SOD2: variants seen among roughly 807,000 people sequenced by gnomAD.
SOD2 encodes the protein superoxide dismutase [Mn], mitochondrial.
A neutral mutation model predicts 27.0 loss-of-function variants in SOD2; 11 were observed. That is an observed-to-expected ratio of 0.41 (90% CI 0.26 to 0.67). The LOEUF (loss-of-function observed/expected upper bound fraction) is 0.67, where lower values mean the gene tolerates loss of function less well. Ranked by LOEUF, SOD2 falls within the 30% of genes least tolerant of loss-of-function variation. The pLI, the probability that SOD2 is intolerant of heterozygous loss-of-function variation, is 0.34. For synonymous variants in SOD2, 105 were observed against 103.0 expected, an observed-to-expected ratio of 1.02 and a Z score of -0.12; for missense variants, 250 against 274.5, an observed-to-expected ratio of 0.91 and a Z score of 0.63.
At chr6:159,725,180 G>A (rs1778127941) in intron 1 of SOD2, among the ~76,000 whole-genome samples, 1 of 152,128 alleles carries the variant, frequency 6.6e-6, no homozygotes, top group Admixed American at 6.6e-5. Flanking sequence ...AGAGTACTGT[G>A]TTCAAAAGCT....
chr6:159,737,482 C>T (rs1210428897), intron 1 of SOD2, among the ~76,000 whole-genome samples: 3 of 151,734 alleles, frequency 2.0e-5, no homozygotes, highest in Non-Finnish European at 2.9e-5. Flanking sequence ...ACTAATAAAG[C>T]CTTTATTTTA....
chr6:159,755,322 A>T (rs1415433000), intron 1 of SOD2: 4 of 1,614,154 alleles, frequency 2.5e-6, no homozygotes, highest in Non-Finnish European at 3.4e-6. Context: ...ACAACCGAAG[A>T]TGACTTTCCT....
chr6:159,708,790 A>C (rs541276778), intron 1 of SOD2, among the ~76,000 whole-genome samples: 1 of 152,360 alleles, frequency 6.6e-6, no homozygotes, highest in African/African-American at 2.4e-5. Flanking sequence ...ACATGGAACC[A>C]AAAAAGAGCC....
intron 1 of SOD2, among the ~76,000 whole-genome samples, chr6:159,698,748 T>C (rs567149789): frequency 6.6e-6 from 1 of 151,956 alleles, no homozygotes; most frequent in East Asian, 1.9e-4. Context: ...CAAAGTTGAT[T>C]AGCACATATT....
At chr6:159,762,028 G>C (rs773539319) in exon 1 of SOD2, 7 of 1,595,112 alleles carry the variant, frequency 4.4e-6, no homozygotes, top group Non-Finnish European at 6.0e-6. Context: ...TGTGGGCTGC[G>C]AGGAGGAGCT....
At chr6:159,693,089 G>A in intron 1 of SOD2, 56 bp downstream of exon 1, 1 of 1,513,180 alleles carries the variant, frequency 6.6e-7, no homozygotes, top group South Asian at 1.2e-5. Context: ...CGGAGGCCCT[G>A]CCCGCCGCGA....
rs1295912048 is a variant in SOD2 at position 159,669,498 on chromosome 6, ATATATT to A, written c.*12989_*12994del. On this transcript the variant is annotated 3_prime_UTR_variant, in exon 5 of 5. Coordinates refer to ENST00000538183, the MANE Select transcript of SOD2 (RefSeq NM_000636.4). ...CTGGGTCATCCAGTGTGGGGTACAT[ATATATT>A]TATAATGATAATATCCTCAGGCCTG... 1 of 152,156 alleles carries A rather than the reference ATATATT, an allele frequency of 6.6e-6. No individual in the cohort carries two copies. Among genetic ancestry groups the A allele is most frequent in the Non-Finnish European group, 1.5e-5 (1 of 68,042 alleles). 9.4% of individuals were successfully genotyped at this position (152,156 alleles called of 1,614,324 possible). A position where few individuals can be genotyped will look rare whatever the true frequency, so the allele number is the denominator to read the frequency against.
intron 1 of SOD2, among the ~76,000 whole-genome samples, chr6:159,724,773 GC>G (rs929192581): frequency 4.0e-5 from 6 of 151,586 alleles, no homozygotes; most frequent in Non-Finnish European, 5.9e-5. Flanking sequence ...GATTGCTTGA[GC>G]CCAGGAAGTC....
At position 159,688,121 on chromosome 6, in the gene SOD2, C is replaced by G; in HGVS notation, c.343+5G>C. On this transcript the variant is annotated splice_donor_5th_base_variant and intron_variant, in intron 3 of 4. Coordinates refer to ENST00000538183, the MANE Select transcript of SOD2 (RefSeq NM_000636.4). ...GTAGATAAGGGTGCACCAATATATA[C>G]CAACCTTTGGGTTCTCCACCACCGT... 6.5e-7 allele frequency: 1 copy of G among 1,531,780 alleles called. No individual in the cohort carries two copies. Among genetic ancestry groups the G allele is most frequent in the Non-Finnish European group, 9.1e-7 (1 of 1,104,874 alleles). The allele number at this position is 1,531,780 out of a possible 1,614,324, so 94.9% of individuals were successfully genotyped here.
intron 1 of SOD2, among the ~76,000 whole-genome samples, chr6:159,707,853 G>A (rs1273240772): frequency 6.6e-6 from 1 of 152,082 alleles, no homozygotes; most frequent in Non-Finnish European, 1.5e-5. Context: ...GATGAACATT[G>A]ATGCAAAAAT....
chr6:159,712,283 C>G (rs1421520724), intron 1 of SOD2, among the ~76,000 whole-genome samples: 1 of 145,702 alleles, frequency 6.9e-6, no homozygotes, highest in Non-Finnish European at 1.5e-5. Context: ...TCACATTGCT[C>G]TGATCACCAT....
upstream of SOD2, among the ~76,000 whole-genome samples, chr6:159,731,802 T>C (rs140793297): frequency 7.2e-5 from 11 of 152,358 alleles, no homozygotes; most frequent in African/African-American, 2.4e-4. Context: ...TTGCTACTTT[T>C]GTATTTGCAA....
chr6:159,713,879 T>C, intron 1 of SOD2: 2 of 998,434 alleles, frequency 2.0e-6, no homozygotes, highest in South Asian at 1.4e-5. Context: ...TGATGTGCCA[T>C]TTTGTATTTT....
chr6:159,736,347 C>CT, intron 1 of SOD2: 1 of 1,375,724 alleles, frequency 7.3e-7, no homozygotes, highest in Non-Finnish European at 1.0e-6. Flanking sequence ...TTTTTGGGGG[C>CT]TTTTTTAAGC....
At chr6:159,698,261 G>T (rs969340790), upstream of SOD2, among the ~76,000 whole-genome samples, 3 of 137,488 alleles carry the variant, frequency 2.2e-5, no homozygotes, top group African/African-American at 8.3e-5. Context: ...CGACAGAGTG[G>T]GACTCAGTGT....
chr6:159,730,516 A>G (rs180681604), upstream of SOD2, among the ~76,000 whole-genome samples: 118 of 152,346 alleles, frequency 7.7e-4, no homozygotes, highest in African/African-American at 1.9e-3. Flanking sequence ...AAAATTGCCA[A>G]TTAGGTTCTA....
At chr6:159,719,295 C>T (rs1038897058) in intron 1 of SOD2, among the ~76,000 whole-genome samples, 1 of 152,104 alleles carries the variant, frequency 6.6e-6, no homozygotes, top group Non-Finnish European at 1.5e-5. Context: ...GAGGCAGAGG[C>T]AGGTGGATCA....
rs1372818749 is a variant in SOD2, at chr6:159,685,001, CAA to C, written c.374_375del (p.Phe125TrpfsTer4). 1 of 1,609,636 alleles carries C rather than the reference CAA, an allele frequency of 6.2e-7. No individual in the cohort carries two copies. Among genetic ancestry groups the C allele is most frequent in the South Asian group, 1.1e-5 (1 of 90,224 alleles). ...GELLEAIKRD[F>X]GSFDKFKEKL... ...TTCTCCTTAAACTTGTCAAAGGAAC[CAA>C]AGTCACGTTTGATGGCTTCCAGCAA... On this transcript the variant is annotated frameshift_variant, in exon 4 of 5. Transcript: ENST00000538183. LOFTEE classifies it high-confidence loss of function.
Position 159,693,195 on chromosome 6 carries a change from G to A in SOD2, c.-28C>T, listed in dbSNP as rs1268984390. On this transcript the variant is annotated 5_prime_UTR_variant, in exon 1 of 5. Transcript: ENST00000538183. ...TGCTAGTGCTGGTGCTACCGCTGATGCCGCCGATCTGCTGAAGCCGCTGCC... is the reference window on the plus strand; with the variant it reads ...TGCTAGTGCTGGTGCTACCGCTGATACCGCCGATCTGCTGAAGCCGCTGCC... 252 of 1,518,830 alleles carry A rather than the reference G, an allele frequency of 1.7e-4. No homozygotes were observed. Among genetic ancestry groups the A allele is most frequent in the Non-Finnish European group, 2.2e-4 (248 of 1,131,892 alleles). 94.1% of individuals were successfully genotyped at this position (1,518,830 alleles called of 1,614,324 possible).
Sources: allele counts gnomAD v4.1 joint callset (sites outside exome capture counted in the v4.1 genomes callset), GRCh38; gene constraint gnomAD v4.1.1; transcripts MANE v1.5; gene names NCBI Gene and HGNC (gene_info 2026-07-23, HGNC 2026-07-21).